The following FN3KRP variants were observed in gnomAD, a reference collection of about 807,000 sequenced individuals.
FN3KRP encodes ketosamine-3-kinase.
FN3KRP carries 33 observed loss-of-function variants against 29.8 expected under a neutral mutation model. That is an observed-to-expected ratio of 1.11 (90% CI 0.84 to 1.48). The LOEUF is 1.48. Ranked by LOEUF, FN3KRP falls within the 40% of genes most tolerant of loss-of-function variation. FN3KRP has a pLI of 0.00. For synonymous variants in FN3KRP, 157 were observed against 155.2 expected (o/e 1.01, Z -0.09); for missense variants, 430 against 402.6 (o/e 1.07, Z -0.58).
intron 4 of FN3KRP, among the ~76,000 whole-genome samples, chr17:82,724,817 T>C (rs996425763): frequency 6.7e-6 from 1 of 149,856 alleles, no homozygotes; most frequent in Admixed American, 6.7e-5. Flanking sequence ...AAAAAAAAAA[T>C]TTTTTTTTTG....
rs7208281 is a variant in FN3KRP, at chr17:82,727,740, G to A, written c.*569G>A. The A allele has an allele frequency of 1.3e-5, 2 of 152,546 alleles. No homozygotes were observed. The highest frequency in any genetic ancestry group is 4.8e-5 in the African/African-American group (2 of 41,462). 9.4% of individuals were successfully genotyped at this position (152,546 alleles called of 1,614,324 possible). On this transcript the variant is annotated 3_prime_UTR_variant, in exon 6 of 6. Transcript: ENST00000269373. ...CTGGGCCCTCCCGCAGGCTGAGCAA[G>A]TCTGTAAACTGATTCTGGGAGAAAC... is the stretch of plus-strand genomic sequence containing the variant.
chr17:82,716,974 C>G lies in FN3KRP; in HGVS notation c.141+78C>G, dbSNP rs997825242. 3 of 1,499,092 alleles carry G rather than the reference C, an allele frequency of 2.0e-6. No homozygotes were observed. In the South Asian group the frequency reaches 3.8e-5, roughly 19 times the overall value. 92.9% of individuals were successfully genotyped at this position (1,499,092 alleles called of 1,614,324 possible). A position where few individuals can be genotyped will look rare whatever the true frequency, so the allele number is the denominator to read the frequency against. ...CGCGGGCCTCGGCGCGGGGCGCGGC[C>G]TGGGCTTCTCCCGCCGGAGGCCGTG... On this transcript the variant is annotated intron_variant, in intron 1 of 5. Transcript: ENST00000269373.
intron 4 of FN3KRP, among the ~76,000 whole-genome samples, chr17:82,723,509 ATGTGTG>A (rs1187017410): frequency 1.3e-4 from 20 of 150,900 alleles, no homozygotes; most frequent in African/African-American, 4.4e-4. Flanking sequence ...GTGTGTGTGC[ATGTGTG>A]TGTGTGCATA....
chr17:82,721,269 G>A (rs2046796519), intron 3 of FN3KRP, among the ~76,000 whole-genome samples: 1 of 151,852 alleles, frequency 6.6e-6, no homozygotes, highest in Non-Finnish European at 1.5e-5. Context: ...TGTATTTTTA[G>A]TAGAGACGGG....
chr17:82,717,667 C>T (rs1399480852), intron 1 of FN3KRP, among the ~76,000 whole-genome samples: 1 of 152,078 alleles, frequency 6.6e-6, no homozygotes, highest in African/African-American at 2.4e-5. Flanking sequence ...TGCAGTGAGT[C>T]GAGATCGCGC....
At position 82,726,873 on chromosome 17, in the gene FN3KRP, C is replaced by G; in HGVS notation, c.632C>G (p.Pro211Arg). The change falls in exon 6 of 6, where the codon CCA becomes CGA. Residue 211 changes from proline (P) to arginine (R), a missense_variant. Pro to Arg is a moderately radical substitution (Grantham distance 103, BLOSUM62 -2). Transcript: ENST00000269373. Reference sequence around the variant, plus strand: ...CTGTTCCGTGACCTGGAGATCATCCCAGCCTTACTCCACGGGGACCTCTGG... The same window carrying G: ...CTGTTCCGTGACCTGGAGATCATCCGAGCCTTACTCCACGGGGACCTCTGG... ...PDLFRDLEII[P>R]ALLHGDLWGG... 6.4e-7 allele frequency: 1 copy of G among 1,571,456 alleles called. No individual in the cohort carries two copies. Among genetic ancestry groups the G allele is most frequent in the Non-Finnish European group, 8.6e-7 (1 of 1,159,640 alleles).
At chr17:82,719,490 C>T (rs1425613037) in intron 2 of FN3KRP, among the ~76,000 whole-genome samples, 1 of 152,264 alleles carries the variant, frequency 6.6e-6, no homozygotes, top group Non-Finnish European at 1.5e-5. Flanking sequence ...CGCGGTGGCT[C>T]ACGCCTGGAA....
chr17:82,721,701 A>T (rs1173969750), intron 3 of FN3KRP, among the ~76,000 whole-genome samples: 3 of 150,968 alleles, frequency 2.0e-5, no homozygotes, highest in African/African-American at 7.3e-5. Context: ...ACAGGGTTTC[A>T]CCGTGTTAGC....
chr17:82,720,115 G>A (rs1033725622), intron 2 of FN3KRP, 157 bp from the exon 3 acceptor site: 5 of 523,356 alleles, frequency 9.6e-6, no homozygotes, highest in South Asian at 4.2e-5. Context: ...GCAGTGAGCC[G>A]AGATCGTGCC....
At chr17:82,722,750 T>C (rs185031375) in intron 3 of FN3KRP, 54 bp from the exon 4 acceptor site, 3 of 1,568,014 alleles carry the variant, frequency 1.9e-6, no homozygotes, top group Admixed American at 3.4e-5. Flanking sequence ...GTTTCGAGAG[T>C]GGGCGCTGGG....
chr17:82,718,712 TC>T, intron 1 of FN3KRP, 193 bp from the exon 2 acceptor site: 1 of 1,224,226 alleles, frequency 8.2e-7, no homozygotes, highest in Non-Finnish European at 1.1e-6. Flanking sequence ...GCCCTCTTCT[TC>T]CAGTACAGCC....
intron 1 of FN3KRP, 108 bp downstream of exon 1, chr17:82,717,004 G>A: frequency 7.4e-7 from 1 of 1,349,650 alleles, no homozygotes; most frequent in Non-Finnish European, 9.9e-7. Flanking sequence ...GCCGTGGGTG[G>A]CTCTCCCGGG....
intron 4 of FN3KRP, among the ~76,000 whole-genome samples, chr17:82,725,380 C>T (rs757749446): frequency 3.3e-5 from 5 of 152,136 alleles, no homozygotes; most frequent in African/African-American, 7.2e-5. Context: ...GATCCTCCCA[C>T]CTCAGCCACG....
At chr17:82,722,559 G>A (rs1425065270) in intron 3 of FN3KRP, 3 of 475,190 alleles carry the variant, frequency 6.3e-6, no homozygotes, top group South Asian at 5.3e-5. Flanking sequence ...GGAGCAGCTA[G>A]TGTCTTTGAT....
At position 82,722,841 on chromosome 17, in the gene FN3KRP, C is replaced by G. The variant is rs1372858702; in HGVS notation, c.423C>G (p.Ala141=). The change falls in exon 4 of 6, where the codon GCC becomes GCG. Residue 141 remains alanine (A), a synonymous_variant. Transcript: ENST00000269373. Reference sequence around the variant, plus strand: ...GGCAGGAGGAACGGCCCTTTGTGGCCCGGTTTGGATTTGACGTGGTGACGT... The same window carrying G: ...GGCAGGAGGAACGGCCCTTTGTGGCGCGGTTTGGATTTGACGTGGTGACGT... ...GGGQEERPFV[A]RFGFDVVTCC... is the part of the protein sequence containing the mutation. 1 of 1,613,988 alleles carries G rather than the reference C, an allele frequency of 6.2e-7. No homozygotes were observed. The highest frequency in any genetic ancestry group is 1.1e-5 in the South Asian group (1 of 91,072).
At chr17:82,717,799 G>A (rs1485488738) in intron 1 of FN3KRP, among the ~76,000 whole-genome samples, 1 of 152,252 alleles carries the variant, frequency 6.6e-6, no homozygotes, top group East Asian at 1.9e-4. Flanking sequence ...TGGGGACTCT[G>A]AAGAACTGAA....
Position 82,717,717 on chromosome 17 carries a change from G to A in FN3KRP, c.141+821G>A, listed in dbSNP as rs1227105504. On this transcript the variant is annotated intron_variant, in intron 1 of 5. Transcript: ENST00000269373. ...CTGCTGGGTGACTGAATGAGACTCC[G>A]TCTCAAAAAAAAAAGAGTGTTCCTA... Among the ~76,000 whole-genome samples, 3 of 151,890 alleles carry A rather than the reference G, an allele frequency of 2.0e-5. No homozygotes were observed. The East Asian group carries it at 5.8e-4, about 29-fold the overall frequency.
In FN3KRP at chr17:82,719,070, A is replaced by ACCACCCCC. The variant is rs2046780317; in HGVS notation, c.293+15_293+22dup. 6.4e-6 allele frequency: 10 copies of ACCACCCCC among 1,566,664 alleles called. No homozygotes were observed. The highest frequency in any genetic ancestry group is 3.3e-5 in the South Asian group (3 of 89,562). On this transcript the variant is annotated intron_variant, in intron 2 of 5. Coordinates refer to ENST00000269373, the MANE Select transcript of FN3KRP (RefSeq NM_024619.4). ...GGCATCTGAGCAGGTGCATCTTCACACCACCCCCCACCTGGCTTTATTACC... is the reference window on the plus strand; with the variant it reads ...GGCATCTGAGCAGGTGCATCTTCACACCACCCCCCCACCCCCCACCTGGCTTTATTACC...
At chr17:82,723,496 A>AGT (rs34352703) in intron 4 of FN3KRP, among the ~76,000 whole-genome samples, 2 of 151,640 alleles carry the variant, frequency 1.3e-5, no homozygotes, top group Non-Finnish European at 2.9e-5. Context: ...CTGTACTCAC[A>AGT]GTGTGTGTGT....
Sources: allele counts gnomAD v4.1 joint callset (sites outside exome capture counted in the v4.1 genomes callset), GRCh38; gene constraint gnomAD v4.1.1; transcripts MANE v1.5; gene names NCBI Gene and HGNC (gene_info 2026-07-23, HGNC 2026-07-21).